RIMS2: variants seen among roughly 807,000 people sequenced by gnomAD.
RIMS2 encodes the protein regulating synaptic membrane exocytosis 2.
A neutral mutation model predicts 174.4 loss-of-function variants in RIMS2; 59 were observed. The observed-to-expected ratio is 0.34, with a 90% CI of 0.27 to 0.42. RIMS2 has a LOEUF of 0.42. Among genes scored for constraint, RIMS2 ranks in the 10% least tolerant of loss-of-function variants. The probability of loss-of-function intolerance (pLI) is 1.00; values close to 1 mark genes in which losing one functional copy is unlikely to be tolerated. For synonymous variants in RIMS2, 606 were observed against 572.5 expected, an observed-to-expected ratio of 1.06 and a Z score of -0.84; for missense variants, 1,620 against 1,666.3, an observed-to-expected ratio of 0.97 and a Z score of 0.48.
chr8:104,120,402 G>A (rs943856737), intron 19 of RIMS2, among the ~76,000 whole-genome samples: 1 of 152,024 alleles, frequency 6.6e-6, no homozygotes, highest in African/African-American at 2.4e-5. Flanking sequence ...AAAGTGTCTA[G>A]TAACCTTTTC....
intron 13 of RIMS2, 104 bp downstream of exon 15, chr8:103,936,826 T>A: frequency 1.1e-6 from 1 of 877,410 alleles, no homozygotes; most frequent in Non-Finnish European, 1.7e-6. Context: ...CCAGGCATGG[T>A]GGCTCATGCC....
chr8:103,895,595 A>G (rs2099273191), intron 4 of RIMS2, among the ~76,000 whole-genome samples: 1 of 151,558 alleles, frequency 6.6e-6, no homozygotes, highest in East Asian at 1.9e-4. Flanking sequence ...CAGGAGGGGC[A>G]TGCAGACATT....
chr8:104,032,513 C>A (rs2096417345), intron 19 of RIMS2, among the ~76,000 whole-genome samples: 1 of 151,800 alleles, frequency 6.6e-6, no homozygotes, highest in Non-Finnish European at 1.5e-5. Context: ...TTATGGAACA[C>A]TAGGCGTAAA....
Position 103,667,798 on chromosome 8 carries a change from T to C in RIMS2, c.177-29288T>C, listed in dbSNP as rs888095854. Among the ~76,000 whole-genome samples, 4 of 152,218 alleles carry C rather than the reference T, an allele frequency of 2.6e-5. No individual in the cohort carries two copies. The East Asian group carries it at 5.8e-4, about 22-fold the overall frequency. ...TCATCTGCTTCTAGGGAGAAACTTC[T>C]GTGGTTAGCTTTACCTTAAGGTCTC... On this transcript the variant is annotated intron_variant, in intron 1 of 23. Transcript: ENST00000504942.
chr8:103,944,104 C>T (rs2083168809), intron 14 of RIMS2, among the ~76,000 whole-genome samples: 1 of 151,950 alleles, frequency 6.6e-6, no homozygotes, highest in Admixed American at 6.6e-5. Flanking sequence ...TTAAAATAAC[C>T]TCTCTAATTA....
intron 3 of RIMS2, among the ~76,000 whole-genome samples, chr8:103,817,930 G>T (rs1593076187): frequency 6.6e-6 from 1 of 151,868 alleles, no homozygotes; most frequent in East Asian, 1.9e-4. Context: ...ATGATTTTTA[G>T]GTATGTATGT....
At chr8:104,007,462 CT>C (rs1353402415) in intron 17 of RIMS2, among the ~76,000 whole-genome samples, 2 of 152,148 alleles carry the variant, frequency 1.3e-5, no homozygotes, top group African/African-American at 4.8e-5. Flanking sequence ...AATTTTTTAA[CT>C]AACATTTTAC....
At chr8:103,846,923 G>A (rs545889957) in intron 3 of RIMS2, among the ~76,000 whole-genome samples, 154 of 152,212 alleles carry the variant, frequency 1.0e-3, no homozygotes, top group Middle Eastern at 3.4e-3. Flanking sequence ...TAGTTGCAGC[G>A]TGACTTGGGA....
chr8:103,602,116 G>T (rs1396205906), intron 1 of RIMS2, among the ~76,000 whole-genome samples: 2 of 152,086 alleles, frequency 1.3e-5, no homozygotes, highest in Non-Finnish European at 2.9e-5. Flanking sequence ...CTCCTGAGTA[G>T]CTGGGACTAC....
intron 3 of RIMS2, among the ~76,000 whole-genome samples, chr8:103,818,600 C>G (rs2098732739): frequency 6.6e-6 from 1 of 152,026 alleles, no homozygotes; most frequent in African/African-American, 2.4e-5. Flanking sequence ...GGGTTTTTCC[C>G]CCACCTGGAT....
At chr8:103,811,217 C>T (rs140314582) in intron 3 of RIMS2, among the ~76,000 whole-genome samples, 15 of 152,166 alleles carry the variant, frequency 9.9e-5, no homozygotes, top group Admixed American at 6.6e-4. Context: ...TTGTTAGTTA[C>T]CAAGGAAATA....
chr8:104,019,076 T>C (rs2096011166), intron 19 of RIMS2, among the ~76,000 whole-genome samples: 1 of 152,138 alleles, frequency 6.6e-6, no homozygotes, highest in Non-Finnish European at 1.5e-5. Context: ...TGCGTGCCTG[T>C]AGTCCCAGCT....
intron 19 of RIMS2, among the ~76,000 whole-genome samples, chr8:104,236,217 C>A (rs1321841282): frequency 1.3e-5 from 2 of 151,994 alleles, no homozygotes; most frequent in African/African-American, 4.8e-5. Flanking sequence ...ATTTCTTACT[C>A]CTAGGCATGC....
intron 1 of RIMS2, among the ~76,000 whole-genome samples, chr8:103,655,295 G>A (rs2096514479): frequency 6.6e-6 from 1 of 151,524 alleles, no homozygotes; most frequent in African/African-American, 2.4e-5. Context: ...ATTAAAATGA[G>A]GGAAAGTTTT....
chr8:103,973,931 G>T (rs1327005845), intron 15 of RIMS2, among the ~76,000 whole-genome samples: 1 of 152,138 alleles, frequency 6.6e-6, no homozygotes, highest in Non-Finnish European at 1.5e-5. Context: ...CTGGTCAAAT[G>T]GAAACCACCT....
intron 17 of RIMS2, among the ~76,000 whole-genome samples, chr8:104,009,776 A>G (rs2095698259): frequency 1.3e-5 from 2 of 152,186 alleles, no homozygotes; most frequent in Admixed American, 1.3e-4. Flanking sequence ...TTACTTTTCA[A>G]GAAAACCTAT....
chr8:103,817,340 T>A (rs2098724160), intron 3 of RIMS2, among the ~76,000 whole-genome samples: 1 of 152,224 alleles, frequency 6.6e-6, no homozygotes, highest in South Asian at 2.1e-4. Flanking sequence ...TTTGTGTGTG[T>A]GTGTGCATGT....
intron 19 of RIMS2, among the ~76,000 whole-genome samples, chr8:104,076,840 A>G (rs969190150): frequency 1.4e-5 from 2 of 145,032 alleles, no homozygotes; most frequent in African/African-American, 2.6e-5. Context: ...TTTTTTTTAC[A>G]TAGTCTCGCT....
chr8:104,053,380 T>G (rs1040707455), intron 19 of RIMS2, among the ~76,000 whole-genome samples: 4 of 152,284 alleles, frequency 2.6e-5, no homozygotes, highest in Admixed American at 2.6e-4. Context: ...TAGGTCCCAC[T>G]TAAAAAACTT....
Sources: allele counts gnomAD v4.1 joint callset (sites outside exome capture counted in the v4.1 genomes callset), GRCh38; gene constraint gnomAD v4.1.1; transcripts MANE v1.5; gene names NCBI Gene and HGNC (gene_info 2026-07-23, HGNC 2026-07-21).